Variants in NAV3 observed in about 807,000 individuals in gnomAD.
NAV3 encodes neuron navigator 3.
In NAV3, 87 loss-of-function variants were observed where a neutral mutation model predicts 244.7. The observed-to-expected ratio is 0.36, with a 90% CI of 0.30 to 0.42. The LOEUF is 0.42. NAV3 is among the 20% of genes least tolerant of loss of function. The pLI, the probability that NAV3 is intolerant of heterozygous loss-of-function variation, is 1.00. For missense variants in NAV3, 2,663 were observed against 2,893.3 expected (o/e 0.92, Z 1.83); for synonymous variants, 1,126 against 1,042.2 (o/e 1.08, Z -1.55).
chr12:77,799,084 A>C lies in NAV3; in HGVS notation c.73-141235A>C, dbSNP rs554206723. 5.9e-5 allele frequency among the ~76,000 whole-genome samples: 9 copies of C among 152,332 alleles called. No individual in the cohort carries two copies. The East Asian group carries it at 1.7e-3, about 29-fold the overall frequency. On this transcript the variant is annotated intron_variant, in intron 2 of 8. Coordinates refer to the NAV3 transcript ENST00000550042. ...TAGCTCTCAGTTGGGCCACATGTCT[A>C]TAGCAGCCTATCTTGAACCTGAGCC...
chr12:78,202,127 T>C (rs1959776729), intron 38 of NAV3, among the ~76,000 whole-genome samples: 1 of 151,986 alleles, frequency 6.6e-6, no homozygotes, highest in Non-Finnish European at 1.5e-5. Flanking sequence ...TAAAAGCTTA[T>C]ACAGATGTTT....
chr12:77,976,388 T>C (rs1031495119), intron 5 of NAV3, among the ~76,000 whole-genome samples: 6 of 152,146 alleles, frequency 3.9e-5, no homozygotes, highest in African/African-American at 1.2e-4. Context: ...AACTGAGGCC[T>C]TGGATCAGGA....
intron 2 of NAV3, among the ~76,000 whole-genome samples, chr12:77,694,132 A>G (rs1344513724): frequency 1.3e-5 from 2 of 151,874 alleles, no homozygotes; most frequent in Non-Finnish European, 2.9e-5. Context: ...ATGTTTGTAT[A>G]TCATCATGGC....
rs554072093 is a variant in NAV3 at position 77,773,335 on chromosome 12, A to G, written c.73-166984A>G. Among the ~76,000 whole-genome samples the G allele has an allele frequency of 3.9e-5, 6 of 152,264 alleles. No individual in the cohort carries two copies. In the South Asian group the frequency reaches 8.3e-4, roughly 21 times the overall value. On this transcript the variant is annotated intron_variant, in intron 2 of 8. Transcript: ENST00000550042. ...CTAGGACTGTTGGTACTAAAATCTC[A>G]AAAGAAAAGCAATATCAACAATAAC...
intron 5 of NAV3, among the ~76,000 whole-genome samples, chr12:77,982,355 CA>C (rs1211019344): frequency 3.3e-5 from 2 of 61,392 alleles, no homozygotes; most frequent in Non-Finnish European, 4.7e-5. Context: ...AGAGATACAT[CA>C]GATATGTGGC....
At chr12:78,025,595 CAAA>C (rs1186694789) in intron 9 of NAV3, among the ~76,000 whole-genome samples, 1 of 55,566 alleles carries the variant, frequency 1.8e-5, no homozygotes, top group Non-Finnish European at 3.2e-5. Flanking sequence ...GACTCCATCT[CAAA>C]AAAAAAAAAA....
intron 2 of NAV3, among the ~76,000 whole-genome samples, chr12:77,676,783 A>T (rs1028439208): frequency 6.6e-5 from 10 of 151,826 alleles, no homozygotes; most frequent in Non-Finnish European, 1.3e-4. Context: ...AATATCAATC[A>T]TGTTGTCCTT....
At chr12:78,153,404 G>A (rs1452049284) in intron 22 of NAV3, among the ~76,000 whole-genome samples, 1 of 152,060 alleles carries the variant, frequency 6.6e-6, no homozygotes, top group Non-Finnish European at 1.5e-5. Context: ...CCTTAGAAAG[G>A]AGAGCGGTTA....
intron 15 of NAV3, among the ~76,000 whole-genome samples, chr12:78,121,519 TAA>T (rs74206814): frequency 4.7e-5 from 7 of 149,018 alleles, no homozygotes; most frequent in African/African-American, 7.4e-5. Flanking sequence ...AATTTAAAAA[TAA>T]AAAAAAAAGA....
At chr12:77,717,309 T>C (rs946561880) in intron 2 of NAV3, among the ~76,000 whole-genome samples, 1 of 152,086 alleles carries the variant, frequency 6.6e-6, no homozygotes, top group Non-Finnish European at 1.5e-5. Context: ...GAAATCAGTA[T>C]TCTACTTTCT....
intron 9 of NAV3, among the ~76,000 whole-genome samples, chr12:78,030,398 C>G (rs1318896248): frequency 6.6e-6 from 1 of 152,138 alleles, no homozygotes; most frequent in Non-Finnish European, 1.5e-5. Flanking sequence ...CACAGAATAC[C>G]CCTTCCAAGA....
chr12:77,604,655 T>C (rs1870590022), intron 2 of NAV3, among the ~76,000 whole-genome samples: 1 of 152,044 alleles, frequency 6.6e-6, no homozygotes, highest in Non-Finnish European at 1.5e-5. Context: ...GGTTTCTTTT[T>C]TGTGATGACT....
chr12:77,786,210 A>G (rs540415106), intron 2 of NAV3, among the ~76,000 whole-genome samples: 2 of 152,250 alleles, frequency 1.3e-5, no homozygotes, highest in South Asian at 4.1e-4. Flanking sequence ...ATGTGGTACT[A>G]TTTATTTCTT....
At chr12:77,678,819 C>A (rs1874321375) in intron 2 of NAV3, among the ~76,000 whole-genome samples, 1 of 146,058 alleles carries the variant, frequency 6.8e-6, no homozygotes, top group Non-Finnish European at 1.5e-5. Context: ...AATCTAATCC[C>A]AGAGCGATCA....
intron 1 of NAV3, among the ~76,000 whole-genome samples, chr12:77,897,131 C>T (rs1048947349): frequency 2.0e-5 from 3 of 152,198 alleles, no homozygotes; most frequent in African/African-American, 7.2e-5. Flanking sequence ...TGACAAGCAC[C>T]AGTCTAGGAA....
intron 2 of NAV3, among the ~76,000 whole-genome samples, chr12:77,771,052 G>T (rs991747584): frequency 2.0e-5 from 3 of 151,874 alleles, no homozygotes; most frequent in Non-Finnish European, 4.4e-5. Flanking sequence ...ACAATGAACT[G>T]AAACAAATTT....
At chr12:77,861,344 A>G (rs1565866015) in intron 1 of NAV3, among the ~76,000 whole-genome samples, 1 of 151,836 alleles carries the variant, frequency 6.6e-6, no homozygotes, top group Admixed American at 6.6e-5. Context: ...CTTCTCTATT[A>G]TCATATGGCA....
chr12:77,758,574 A>G (rs1278501543), intron 2 of NAV3, among the ~76,000 whole-genome samples: 1 of 152,184 alleles, frequency 6.6e-6, no homozygotes, highest in Non-Finnish European at 1.5e-5. Context: ...TACTTTTATT[A>G]CCCAAGTAAC....
At chr12:77,797,786 CAA>C (rs1048163265) in intron 2 of NAV3, among the ~76,000 whole-genome samples, 1 of 150,814 alleles carries the variant, frequency 6.6e-6, no homozygotes, top group Non-Finnish European at 1.5e-5. Flanking sequence ...TTGCAGTGAG[CAA>C]AGATTGTGCC....
Sources: allele counts gnomAD v4.1 joint callset (sites outside exome capture counted in the v4.1 genomes callset), GRCh38; gene constraint gnomAD v4.1.1; transcripts MANE v1.5; gene names NCBI Gene and HGNC (gene_info 2026-07-23, HGNC 2026-07-21).